Variants in TAX1BP1 observed in about 807,000 individuals in gnomAD.
TAX1BP1 encodes tax1-binding protein 1.
In TAX1BP1, 62 loss-of-function variants were observed where a neutral mutation model predicts 97.7. That is an observed-to-expected ratio of 0.63 (90% confidence interval 0.52 to 0.78). The LOEUF (loss-of-function observed/expected upper bound fraction) is 0.78. TAX1BP1 is among the 30% of genes least tolerant of loss of function. The pLI, the probability that TAX1BP1 is intolerant of heterozygous loss-of-function variation, is 0.00. For synonymous variants in TAX1BP1, 340 were observed against 304.2 expected, an observed-to-expected ratio of 1.12 and a Z score of -1.23; for missense variants, 867 against 916.1, an observed-to-expected ratio of 0.95 and a Z score of 0.69.
intron 3 of TAX1BP1, 29 bp from the exon 4 acceptor site, chr7:27,765,805 A>T (rs1378986982): frequency 6.4e-7 from 1 of 1,566,426 alleles, no homozygotes; most frequent in Non-Finnish European, 8.8e-7. Flanking sequence ...TAGGAAGTTT[A>T]ATAATTTTGT....
At chr7:27,818,021 T>C (rs1364027644) in intron 15 of TAX1BP1, among the ~76,000 whole-genome samples, 5 of 152,194 alleles carry the variant, frequency 3.3e-5, no homozygotes, top group African/African-American at 1.2e-4. Flanking sequence ...AGGAAAACTG[T>C]CAGAACTTTT....
chr7:27,749,942 A>G (rs1787961261), intron 2 of TAX1BP1, among the ~76,000 whole-genome samples: 1 of 151,978 alleles, frequency 6.6e-6, no homozygotes, highest in Non-Finnish European at 1.5e-5. Context: ...TAGACACAAC[A>G]CCACGCCTGG....
chr7:27,811,909 T>C (rs1441662850), intron 13 of TAX1BP1, among the ~76,000 whole-genome samples: 2 of 152,238 alleles, frequency 1.3e-5, no homozygotes, highest in East Asian at 1.9e-4. Flanking sequence ...CTGATGGACA[T>C]TTAAATTATT....
rs577840937 is a variant in TAX1BP1, at chr7:27,794,192, CAA to C, written c.1411-130_1411-129del. On this transcript the variant is annotated intron_variant, in intron 10 of 16. Coordinates refer to ENST00000396319, the MANE Select transcript of TAX1BP1 (RefSeq NM_006024.7). ...CTTTAGTCTTTGTTGGCTTTTAAAA[CAA>C]GAGCAGCTTTGTGGACTTCTTAGGA... The C allele has an allele frequency of 1.3e-4, 98 of 758,662 alleles. No individual in the cohort carries two copies. In the African/African-American group the frequency reaches 1.3e-3, roughly 10 times the overall value. 47.0% of individuals were successfully genotyped at this position (758,662 alleles called of 1,614,324 possible).
intron 15 of TAX1BP1, among the ~76,000 whole-genome samples, chr7:27,824,549 CAAAAAAAAAA>C (rs34757943): frequency 1.1e-5 from 1 of 91,632 alleles, no homozygotes; most frequent in Admixed American, 1.4e-4. Flanking sequence ...GACCTTGTCT[CAAAAAAAAAA>C]AAAAAAAAAA....
chr7:27,782,219 GTTTTC>G (rs993617196), intron 5 of TAX1BP1, among the ~76,000 whole-genome samples: 9 of 151,694 alleles, frequency 5.9e-5, no homozygotes, highest in Non-Finnish European at 7.4e-5. Context: ...AAAACTTTTT[GTTTTC>G]TTTTCTTGTT....
At chr7:27,803,202 C>G in intron 13 of TAX1BP1, 1 of 1,505,952 alleles carries the variant, frequency 6.6e-7, no homozygotes. Context: ...TGTAGTTAAA[C>G]AAATGTGTAT....
intron 11 of TAX1BP1, among the ~76,000 whole-genome samples, chr7:27,794,907 G>C (rs1789864511): frequency 6.6e-6 from 1 of 151,902 alleles, no homozygotes; most frequent in South Asian, 2.1e-4. Context: ...TGGATCAATG[G>C]GGGTACTTCT....
At chr7:27,782,618 C>T (rs957814287) in intron 5 of TAX1BP1, among the ~76,000 whole-genome samples, 2 of 152,080 alleles carry the variant, frequency 1.3e-5, no homozygotes, top group Non-Finnish European at 2.9e-5. Flanking sequence ...GTGTAGCTGT[C>T]ATCATAACTT....
chr7:27,817,212 T>A (rs1790805148), intron 15 of TAX1BP1, among the ~76,000 whole-genome samples, 174 bp downstream of exon 15: 1 of 152,220 alleles, frequency 6.6e-6, no homozygotes, highest in Non-Finnish European at 1.5e-5. Flanking sequence ...AAAACTGTGC[T>A]TGTATTTAAA....
Position 27,799,994 on chromosome 7 carries a change from T to C in TAX1BP1, c.1668T>C (p.Ala556=). ...QDEKAKCNKY[A]DELAKMELKW... ...AGAAAGCAAAATGCAATAAATATGC[T>C]GATGAACTTGCAAAAATGGAGCTGA... is the stretch of plus-strand genomic sequence containing the variant. Residue 556 remains alanine (A), a synonymous_variant, in exon 13 of 17, where the codon GCT becomes GCC. Transcript: ENST00000396319. The C allele has an allele frequency of 3.1e-6, 5 of 1,602,522 alleles. No individual in the cohort carries two copies. The highest frequency in any genetic ancestry group is 4.3e-6 in the Non-Finnish European group (5 of 1,175,712).
At chr7:27,771,641 A>G (rs1788853985) in intron 5 of TAX1BP1, among the ~76,000 whole-genome samples, 1 of 151,980 alleles carries the variant, frequency 6.6e-6, no homozygotes, top group South Asian at 2.1e-4. Context: ...TAATGAAGCA[A>G]AACTTGTAGG....
intron 15 of TAX1BP1, among the ~76,000 whole-genome samples, chr7:27,820,950 C>A (rs1196912031): frequency 3.9e-5 from 6 of 152,172 alleles, no homozygotes; most frequent in Admixed American, 3.9e-4. Context: ...CAGTTGAGCA[C>A]CTCTAATCTG....
chr7:27,771,959 A>G (rs1413464722), intron 5 of TAX1BP1: 1 of 152,102 alleles, frequency 6.6e-6, no homozygotes, highest in Non-Finnish European at 1.5e-5. Context: ...GGACTACAAT[A>G]TAAAGTGTCA....
chr7:27,741,816 C>CGTTAA lies in TAX1BP1; in HGVS notation c.-8+1547_-8+1548insGTTAA, dbSNP rs1208340762. Among the ~76,000 whole-genome samples the CGTTAA allele has an allele frequency of 9.6e-3, 1,469 of 152,240 alleles. 15 individuals carry two copies. Among genetic ancestry groups the CGTTAA allele is most frequent in the African/African-American group, 0.03 (1,227 of 41,538 alleles). On this transcript the variant is annotated intron_variant, in intron 1 of 16. Coordinates refer to ENST00000396319, the MANE Select transcript of TAX1BP1 (RefSeq NM_006024.7). ...GAGGATCCCGCCAGCCTCTGAGTTCCCTTAGTATTTATTGATCATTTGTGG... is the reference window on the plus strand; with the variant it reads ...GAGGATCCCGCCAGCCTCTGAGTTCCGTTAACTTAGTATTTATTGATCATTTGTGG...
Position 27,765,870 on chromosome 7 carries a change from A to G in TAX1BP1, c.302A>G (p.Gln101Arg), listed in dbSNP as rs1788611066. ...YLPNDDGEFY[Q>R]FCYVTHKGEI... ...CCAAATGATGATGGAGAATTTTATC[A>G]GTTCTGTTACGTTACCCATAAGGGT... The change falls in exon 4 of 17, where the codon CAG becomes CGG. Residue 101 changes from glutamine (Q) to arginine (R), a missense_variant. Physicochemically the swap from Gln to Arg is conservative, Grantham distance 43. Around this residue, in one of 3 missense-constraint regions of TAX1BP1, gnomAD observed 822 missense variants for 851.4 expected, o/e 0.97. Coordinates refer to ENST00000396319, the MANE Select transcript of TAX1BP1 (RefSeq NM_006024.7). 6.2e-7 allele frequency: 1 copy of G among 1,614,032 alleles called. No homozygotes were observed. The highest frequency in any genetic ancestry group is 8.5e-7 in the Non-Finnish European group (1 of 1,179,942).
chr7:27,743,535 C>T (rs1787695500), intron 1 of TAX1BP1, among the ~76,000 whole-genome samples: 1 of 152,182 alleles, frequency 6.6e-6, no homozygotes, highest in Admixed American at 6.5e-5. Context: ...AGTGTTTCTG[C>T]TACAGTGGGT....
intron 5 of TAX1BP1, among the ~76,000 whole-genome samples, chr7:27,771,002 T>G (rs1788823043): frequency 6.6e-6 from 1 of 151,768 alleles, no homozygotes; most frequent in African/African-American, 2.4e-5. Flanking sequence ...AGGAACTACT[T>G]TTTTCATTTG....
At chr7:27,781,344 C>T (rs1789247631) in intron 5 of TAX1BP1, among the ~76,000 whole-genome samples, 1 of 152,144 alleles carries the variant, frequency 6.6e-6, no homozygotes, top group African/African-American at 2.4e-5. Context: ...TGTACTTACA[C>T]AAACCTAGAT....
Sources: allele counts gnomAD v4.1 joint callset (sites outside exome capture counted in the v4.1 genomes callset), GRCh38; gene constraint gnomAD v4.1.1; regional missense constraint gnomAD v4.1.1; transcripts MANE v1.5; gene names NCBI Gene and HGNC (gene_info 2026-07-23, HGNC 2026-07-21).